Variants in CDC5L observed in about 807,000 individuals in gnomAD.
The protein encoded by CDC5L is cell division cycle 5 like.
A neutral mutation model predicts 104.1 loss-of-function variants in CDC5L; 18 were observed. The ratio of observed to expected loss-of-function variants is 0.17; its 90% confidence interval spans 0.12 to 0.26. The LOEUF (loss-of-function observed/expected upper bound fraction) is 0.26. Among genes scored for constraint, CDC5L ranks in the 10% least tolerant of loss-of-function variants. The pLI is 1.00. For missense variants in CDC5L, 673 were observed against 956.9 expected, an observed-to-expected ratio of 0.70 and a Z score of 3.91; for synonymous variants, 331 against 322.7, an observed-to-expected ratio of 1.03 and a Z score of -0.28.
At chr6:44,412,150 C>G (rs759698792) in intron 8 of CDC5L, among the ~76,000 whole-genome samples, 7 of 152,214 alleles carry the variant, frequency 4.6e-5, no homozygotes, top group Admixed American at 2.6e-4. Flanking sequence ...GAGGCTCTGT[C>G]AGTGTTACAT....
chr6:44,387,910 C>G (rs755332752), intron 1 of CDC5L, 42 bp downstream of exon 1: 23 of 1,547,894 alleles, frequency 1.5e-5, no homozygotes, highest in Non-Finnish European at 1.8e-5. Context: ...GCCGCTCCCT[C>G]TAGCAGCTTG....
At chr6:44,399,727 C>A (rs1311221085) in intron 5 of CDC5L, among the ~76,000 whole-genome samples, 1 of 152,158 alleles carries the variant, frequency 6.6e-6, no homozygotes, top group Non-Finnish European at 1.5e-5. Flanking sequence ...GATCTAGGCT[C>A]ACTGCAAGCT....
intron 14 of CDC5L, among the ~76,000 whole-genome samples, chr6:44,442,342 A>G (rs889020344): frequency 1.3e-5 from 2 of 149,420 alleles, no homozygotes; most frequent in Admixed American, 6.6e-5. Flanking sequence ...CCTTTGTTCT[A>G]TTCCTCCTCT....
chr6:44,429,580 C>G, intron 13 of CDC5L, 133 bp from the exon 14 acceptor site: 1 of 677,884 alleles, frequency 1.5e-6, no homozygotes, highest in Non-Finnish European at 2.5e-6. Flanking sequence ...TTGTTATCCA[C>G]CCTTCCAAAA....
At chr6:44,391,954 C>T (rs1790643540) in intron 2 of CDC5L, among the ~76,000 whole-genome samples, 1 of 152,164 alleles carries the variant, frequency 6.6e-6, no homozygotes, top group Non-Finnish European at 1.5e-5. Flanking sequence ...TGCCACTGCA[C>T]TCCAGCCTGG....
chr6:44,403,729 A>C, intron 5 of CDC5L, 80 bp from the exon 6 acceptor site: 1 of 945,144 alleles, frequency 1.1e-6, no homozygotes. Flanking sequence ...ATAAATAGAT[A>C]CTTTTTTTTT....
intron 7 of CDC5L, among the ~76,000 whole-genome samples, chr6:44,407,234 A>G (rs1325906012): frequency 6.6e-6 from 1 of 152,148 alleles, no homozygotes; most frequent in Non-Finnish European, 1.5e-5. Context: ...GGAGTTGTGG[A>G]GAAAAGCGAT....
At chr6:44,396,975 C>G (rs944400707) in intron 5 of CDC5L, among the ~76,000 whole-genome samples, 3 of 152,200 alleles carry the variant, frequency 2.0e-5, no homozygotes, top group African/African-American at 7.2e-5. Flanking sequence ...TTCGGAAGCC[C>G]CCATGTATTT....
chr6:44,424,592 C>G lies in CDC5L; in HGVS notation c.1569+9C>G. 1 of 1,613,354 alleles carries G rather than the reference C, an allele frequency of 6.2e-7. No individual in the cohort carries two copies. The highest frequency in any genetic ancestry group is 8.5e-7 in the Non-Finnish European group (1 of 1,179,550). ...TGGATGCTCGAAAGCAGGTGGGTAA[C>G]TGTACTGAAAGAAGCGTGAGTTTGG... On this transcript the variant is annotated intron_variant, in intron 11 of 15. Coordinates refer to ENST00000371477, the MANE Select transcript of CDC5L (RefSeq NM_001253.4).
chr6:44,388,150 CCCCCCCG>C (rs1790427133), intron 1 of CDC5L, among the ~76,000 whole-genome samples: 2 of 15,798 alleles, frequency 1.3e-4, no homozygotes, highest in South Asian at 4.4e-3. Flanking sequence ...TCCCACCCCG[CCCCCCCG>C]CCCCCCCCGG....
intron 14 of CDC5L, among the ~76,000 whole-genome samples, chr6:44,436,033 C>T (rs1792921394): frequency 6.6e-6 from 1 of 152,102 alleles, no homozygotes; most frequent in Non-Finnish European, 1.5e-5. Context: ...CCACCTTGGC[C>T]TCCCAAAGTG....
intron 4 of CDC5L, 88 bp downstream of exon 4, chr6:44,393,661 C>A: frequency 1.5e-6 from 2 of 1,304,814 alleles, no homozygotes; most frequent in Non-Finnish European, 2.1e-6. Flanking sequence ...AACTCCTCTA[C>A]TTTAGAATCC....
intron 5 of CDC5L, among the ~76,000 whole-genome samples, chr6:44,401,345 A>G (rs1018531627): frequency 6.6e-6 from 1 of 152,110 alleles, no homozygotes; most frequent in Non-Finnish European, 1.5e-5. Context: ...CTCATCTCAT[A>G]AGCCAGGGCA....
chr6:44,444,583 A>G (rs1793360142), intron 14 of CDC5L, among the ~76,000 whole-genome samples: 1 of 152,018 alleles, frequency 6.6e-6, no homozygotes, highest in African/African-American at 2.4e-5. Flanking sequence ...CCAGGCTGTC[A>G]AGTAGCGACT....
chr6:44,401,148 T>C lies in CDC5L; in HGVS notation c.540-2661T>C, dbSNP rs1791104429. Among the ~76,000 whole-genome samples the C allele has an allele frequency of 2.0e-5, 3 of 152,258 alleles. 1 individual carries two copies. Among genetic ancestry groups the C allele is most frequent in the Non-Finnish European group, 4.4e-5 (3 of 68,018 alleles). On this transcript the variant is annotated intron_variant, in intron 5 of 15. Transcript: ENST00000371477. ...TATACTCTGTTGCAATGAAGTCCTT[T>C]TGTTTGAGGAGAGATGTGGATCTCT...
At chr6:44,420,049 A>G (rs2153380650) in intron 9 of CDC5L, among the ~76,000 whole-genome samples, 1 of 152,226 alleles carries the variant, frequency 6.6e-6, no homozygotes, top group South Asian at 2.1e-4. Context: ...TGTGAATTTT[A>G]TTATGTAATC....
chr6:44,439,618 A>G (rs1439786388), intron 14 of CDC5L, among the ~76,000 whole-genome samples: 1 of 152,210 alleles, frequency 6.6e-6, no homozygotes, highest in African/African-American at 2.4e-5. Flanking sequence ...TGAAGTTGGA[A>G]TTTTAATGAA....
intron 8 of CDC5L, among the ~76,000 whole-genome samples, chr6:44,416,465 A>G (rs923544129): frequency 1.4e-4 from 21 of 152,190 alleles, no homozygotes; most frequent in African/African-American, 4.6e-4. Flanking sequence ...GAAACTTGCC[A>G]GCTCCTCTGC....
chr6:44,415,728 G>A (rs1352384159), intron 8 of CDC5L, among the ~76,000 whole-genome samples: 1 of 152,194 alleles, frequency 6.6e-6, no homozygotes, highest in Non-Finnish European at 1.5e-5. Flanking sequence ...AGGCACACAT[G>A]TCCTAGCTAC....
Sources: gnomAD v4.1 joint callset for allele counts (sites outside exome capture counted in the v4.1 genomes callset) on GRCh38, gnomAD v4.1.1 for gene constraint, MANE v1.5 for transcripts, NCBI Gene and HGNC (gene_info 2026-07-23, HGNC 2026-07-21) for gene names.